Variants in HSPA12A observed in about 807,000 individuals in gnomAD.
HSPA12A encodes heat shock 70 kDa protein 12A.
HSPA12A carries 28 observed loss-of-function variants against 69.2 expected under a neutral mutation model. The observed-to-expected ratio is 0.40, with a 90% CI of 0.30 to 0.55. HSPA12A has a LOEUF of 0.55. HSPA12A is among the 20% of genes least tolerant of loss of function. HSPA12A has a pLI of 0.38. For synonymous variants in HSPA12A, 345 were observed against 370.5 expected, an observed-to-expected ratio of 0.93 and a Z score of 0.79; for missense variants, 686 against 900.7, an observed-to-expected ratio of 0.76 and a Z score of 3.05.
At chr10:116,717,195 G>A (rs1329088904) in intron 1 of HSPA12A, among the ~76,000 whole-genome samples, 9 of 152,038 alleles carry the variant, frequency 5.9e-5, no homozygotes, top group Admixed American at 2.6e-4. Context: ...AAAGAAGCCC[G>A]CATCCTTAGT....
intron 2 of HSPA12A, among the ~76,000 whole-genome samples, chr10:116,807,100 T>G (rs1049823337): frequency 6.6e-6 from 1 of 151,762 alleles, no homozygotes; most frequent in Non-Finnish European, 1.5e-5. Flanking sequence ...ACCTTGATTT[T>G]GAACTTCTGG....
chr10:116,680,729 G>C (rs1297091326), intron 9 of HSPA12A, among the ~76,000 whole-genome samples: 4 of 152,136 alleles, frequency 2.6e-5, no homozygotes, highest in South Asian at 2.1e-4. Context: ...CAAGTGATCT[G>C]CCTGCTTGGC....
chr10:116,712,977 A>AATATATATATATATAT (rs56007651), intron 1 of HSPA12A, among the ~76,000 whole-genome samples: 916 of 80,610 alleles, frequency 0.011, 25 homozygotes, highest in African/African-American at 0.024. Flanking sequence ...TAAAAAATGC[A>AATATATATATATATAT]ATATATATAT....
chr10:116,805,045 G>A (rs891853634), intron 2 of HSPA12A, among the ~76,000 whole-genome samples: 3 of 152,102 alleles, frequency 2.0e-5, no homozygotes, highest in Admixed American at 6.5e-5. Flanking sequence ...GGACGGGCGC[G>A]GTGGCTCACG....
intron 1 of HSPA12A, among the ~76,000 whole-genome samples, chr10:116,848,041 G>C (rs1845926602): frequency 6.6e-6 from 1 of 152,176 alleles, no homozygotes; most frequent in Non-Finnish European, 1.5e-5. Flanking sequence ...TTTCTTCCAG[G>C]GGTGTATGAG....
chr10:116,727,901 G>A (rs1270388926), intron 1 of HSPA12A, among the ~76,000 whole-genome samples: 7 of 146,086 alleles, frequency 4.8e-5, no homozygotes, highest in Non-Finnish European at 7.5e-5. Context: ...GGGATTACAG[G>A]TGTGCACCAC....
At position 116,675,822 on chromosome 10, in the gene HSPA12A, G is replaced by A. The variant is rs1401790494; in HGVS notation, c.1391-404C>T. ...TTCCACTCCTAGAGAGTCTGATTTG[G>A]TAGGCGGGGGACAGGATACTGAAAG... On this transcript the variant is annotated intron_variant, in intron 11 of 11. Coordinates refer to ENST00000369209, the MANE Select transcript of HSPA12A (RefSeq NM_025015.3). The surrounding 1 kb of genome is among the most constrained non-coding windows in gnomAD (Gnocchi z 5.2). 6.6e-6 allele frequency among the ~76,000 whole-genome samples: 1 copy of A among 152,166 alleles called. No individual in the cohort carries two copies. The highest frequency in any genetic ancestry group is 2.4e-5 in the African/African-American group (1 of 41,432).
chr10:116,724,545 A>G (rs1208591916), intron 1 of HSPA12A, among the ~76,000 whole-genome samples: 2 of 152,122 alleles, frequency 1.3e-5, no homozygotes, highest in Admixed American at 6.5e-5. Context: ...ATGCCTGGCC[A>G]GTCTGGAAGG....
chr10:116,813,827 T>A (rs894794086), intron 2 of HSPA12A, among the ~76,000 whole-genome samples: 3 of 151,944 alleles, frequency 2.0e-5, no homozygotes, highest in Non-Finnish European at 4.4e-5. Flanking sequence ...AAGGCTGCAG[T>A]GAGCTGTGAT....
intron 10 of HSPA12A, among the ~76,000 whole-genome samples, chr10:116,677,186 G>A (rs528505944): frequency 3.9e-5 from 6 of 152,310 alleles, no homozygotes; most frequent in East Asian, 1.9e-4. Flanking sequence ...TTGTAAAGAC[G>A]AAGTTAAATA....
chr10:116,814,154 C>A (rs1230885566), intron 2 of HSPA12A, among the ~76,000 whole-genome samples: 1 of 152,066 alleles, frequency 6.6e-6, no homozygotes, highest in Non-Finnish European at 1.5e-5. Flanking sequence ...AATGAAAATT[C>A]TAGAACTGAA....
intron 2 of HSPA12A, among the ~76,000 whole-genome samples, chr10:116,705,750 T>G (rs1461912974): frequency 4.6e-5 from 7 of 152,324 alleles, no homozygotes; most frequent in African/African-American, 1.7e-4. Flanking sequence ...TTCATGCATG[T>G]GAGCAGGGCT....
chr10:116,770,946 G>A (rs1253276809), intron 2 of HSPA12A, among the ~76,000 whole-genome samples: 2 of 151,794 alleles, frequency 1.3e-5, no homozygotes. Context: ...TGGCTGCTGC[G>A]GGCTGTGTGT....
intron 2 of HSPA12A, among the ~76,000 whole-genome samples, chr10:116,754,900 G>A (rs1194677475): frequency 3.9e-5 from 6 of 152,136 alleles, no homozygotes; most frequent in African/African-American, 1.4e-4. Flanking sequence ...AGAAAACACT[G>A]ACCAGTTAGT....
At chr10:116,683,995 G>A (rs1554879149) in intron 6 of HSPA12A, 33 bp from the exon 7 acceptor site, 2 of 1,514,998 alleles carry the variant, frequency 1.3e-6, no homozygotes, top group Non-Finnish European at 1.8e-6. Flanking sequence ...GGGACCCAGG[G>A]CCCCCTGGGC....
At chr10:116,839,604 T>TAAA (rs59427633) in intron 1 of HSPA12A, among the ~76,000 whole-genome samples, 792 of 59,094 alleles carry the variant, frequency 0.013, 36 homozygotes, top group African/African-American at 0.046. Flanking sequence ...ATGCCTACCG[T>TAAA]AAAAAAAAAA....
chr10:116,713,698 C>T (rs4752004), intron 1 of HSPA12A, among the ~76,000 whole-genome samples: 87,559 of 151,980 alleles, frequency 0.58, 25,730 homozygotes, highest in South Asian at 0.71. Flanking sequence ...ATGCATTGGT[C>T]CGTGGGCCTC....
At chr10:116,690,355 G>C (rs2907237) in intron 6 of HSPA12A, among the ~76,000 whole-genome samples, 78,966 of 151,588 alleles carry the variant, frequency 0.52, 20,911 homozygotes, top group Middle Eastern at 0.65. Flanking sequence ...GGTCCTGACA[G>C]AGAGATAGGC....
rs1003946230 is a variant in HSPA12A at position 116,785,441 on chromosome 10, T to C, written c.91+49494A>G. ...AGCAGTCCTGGCCACCAGCAGAGCATGGCATCAGGGCATTGTGACAGAAAT... is the reference window on the plus strand; with the variant it reads ...AGCAGTCCTGGCCACCAGCAGAGCACGGCATCAGGGCATTGTGACAGAAAT... On this transcript the variant is annotated intron_variant, in intron 2 of 12. Transcript: ENST00000635765. Among the ~76,000 whole-genome samples the C allele has an allele frequency of 3.9e-5, 6 of 152,160 alleles. No homozygotes were observed. The South Asian group carries it at 1.2e-3, about 32-fold the overall frequency.
Sources: gnomAD v4.1 joint callset for allele counts (sites outside exome capture counted in the v4.1 genomes callset) on GRCh38, gnomAD v4.1.1 for gene constraint, Gnocchi (gnomAD v3.1) non-coding constraint, MANE v1.5 for transcripts, NCBI Gene and HGNC (gene_info 2026-07-23, HGNC 2026-07-21) for gene names.